Variants in IL2RB observed in about 807,000 individuals in gnomAD.
IL2RB encodes the protein interleukin-2 receptor subunit beta.
IL2RB carries 17 observed loss-of-function variants against 44.2 expected under a neutral mutation model. That is an observed-to-expected ratio of 0.38 (90% CI 0.26 to 0.58). The LOEUF is 0.58. Ranked by LOEUF, IL2RB falls within the 20% of genes least tolerant of loss-of-function variation. The pLI is 0.63. For missense variants in IL2RB, 624 were observed against 685.5 expected, an observed-to-expected ratio of 0.91 and a Z score of 1.00; for synonymous variants, 286 against 297.9, an observed-to-expected ratio of 0.96 and a Z score of 0.41.
At chr22:37,158,176 A>T (rs1922743841) in intron 1 of IL2RB, among the ~76,000 whole-genome samples, 1 of 152,194 alleles carries the variant, frequency 6.6e-6, no homozygotes, top group Non-Finnish European at 1.5e-5. Context: ...GAGGCCAACA[A>T]AATGCGCATC....
In IL2RB at chr22:37,174,537, A is replaced by G. The variant is rs550135385; in HGVS notation, c.-34+421T>C. Among the ~76,000 whole-genome samples the G allele has an allele frequency of 3.9e-5, 6 of 152,240 alleles. No homozygotes were observed. In the South Asian group the frequency reaches 1.0e-3, roughly 26 times the overall value. On this transcript the variant is annotated intron_variant, in intron 1 of 5. Coordinates refer to the IL2RB transcript ENST00000429622. Reference sequence around the variant, plus strand: ...GTCCTATGAAATGCCATGAACCCCAACTATGCTTGTACAGAACAAACCGGT... The same window carrying G: ...GTCCTATGAAATGCCATGAACCCCAGCTATGCTTGTACAGAACAAACCGGT...
upstream of IL2RB, among the ~76,000 whole-genome samples, chr22:37,152,631 A>G (rs1922533636): frequency 6.6e-6 from 1 of 152,098 alleles, no homozygotes; most frequent in African/African-American, 2.4e-5. Flanking sequence ...GAACAATTTG[A>G]TGGTCACTTA....
At chr22:37,157,446 C>T (rs1313372415) in intron 1 of IL2RB, among the ~76,000 whole-genome samples, 2 of 152,234 alleles carry the variant, frequency 1.3e-5, no homozygotes, top group Admixed American at 6.5e-5. Flanking sequence ...GAGCTGCCTG[C>T]TTCATAGCCA....
chr22:37,128,758 T>C lies in IL2RB; in HGVS notation c.994A>G (p.Lys332Glu). 2 of 1,614,086 alleles carry C rather than the reference T, an allele frequency of 1.2e-6. No individual in the cohort carries two copies. Among genetic ancestry groups the C allele is most frequent in the Middle Eastern group, 1.7e-4 (1 of 6,058 alleles). Residue 332 changes from lysine to glutamate, a missense_variant, in exon 10 of 10, where the codon AAG becomes GAG. By Grantham distance (56) the Lys-to-Glu change is moderately conservative (BLOSUM62 1). Coordinates refer to ENST00000216223, the MANE Select transcript of IL2RB (RefSeq NM_000878.5). The surrounding 1 kb of genome is among the most constrained non-coding windows in gnomAD (Gnocchi z 4.5). ...ISPLEVLERD[K>E]VTQLLLQQDK... ...TGCTGCAGGAGCAGCTGCGTCACCTTGTCCCTCTCCAGCACTTCTAGTGGC... is the reference window on the plus strand; with the variant it reads ...TGCTGCAGGAGCAGCTGCGTCACCTCGTCCCTCTCCAGCACTTCTAGTGGC...
intron 1 of IL2RB, among the ~76,000 whole-genome samples, chr22:37,160,212 A>G (rs1034098437): frequency 1.3e-5 from 2 of 152,230 alleles, no homozygotes; most frequent in Non-Finnish European, 2.9e-5. Flanking sequence ...TGGCTGATGC[A>G]GTGACGGCAG....
At chr22:37,165,126 G>A (rs952182413) in intron 1 of IL2RB, among the ~76,000 whole-genome samples, 2 of 152,206 alleles carry the variant, frequency 1.3e-5, no homozygotes, top group Non-Finnish European at 2.9e-5. Flanking sequence ...AAAAACTGAG[G>A]CACGGGGAGG....
rs541246229 is a variant in IL2RB at position 37,165,235 on chromosome 22, A to G, written c.-34+9723T>C. Reference sequence around the variant, plus strand: ...GGCTCCTAAGCACATGCTCCTAACTACCAGGCTGCCGCCACCTTTGGAAGA... The same window carrying G: ...GGCTCCTAAGCACATGCTCCTAACTGCCAGGCTGCCGCCACCTTTGGAAGA... On this transcript the variant is annotated intron_variant, in intron 1 of 5. Coordinates refer to the IL2RB transcript ENST00000429622. 1.6e-4 allele frequency among the ~76,000 whole-genome samples: 24 copies of G among 152,346 alleles called. No individual in the cohort carries two copies. The South Asian group carries it at 4.6e-3, about 29-fold the overall frequency.
chr22:37,135,927 C>A (rs1459028313), intron 7 of IL2RB, among the ~76,000 whole-genome samples: 1 of 152,136 alleles, frequency 6.6e-6, no homozygotes, highest in Non-Finnish European at 1.5e-5. Context: ...ACAGATCAGG[C>A]CGAGAGGTGA....
At chr22:37,143,236 G>A (rs1922052968) in intron 3 of IL2RB, among the ~76,000 whole-genome samples, 1 of 151,980 alleles carries the variant, frequency 6.6e-6, no homozygotes, top group Non-Finnish European at 1.5e-5. Context: ...GGCATAGCAG[G>A]CTTGCAGCTC....
chr22:37,172,743 A>G (rs1923331006), intron 1 of IL2RB, among the ~76,000 whole-genome samples: 1 of 152,138 alleles, frequency 6.6e-6, no homozygotes, highest in African/African-American at 2.4e-5. Flanking sequence ...ACCATGACCC[A>G]TTTCAAGCTA....
upstream of IL2RB, chr22:37,150,005 G>C (rs1243138826): frequency 1.4e-6 from 1 of 717,858 alleles, no homozygotes; most frequent in Non-Finnish European, 1.7e-6. Context: ...TGGAGAGGCG[G>C]GGAGACGAGG....
intron 5 of IL2RB, among the ~76,000 whole-genome samples, chr22:37,138,894 G>C (rs1436109014): frequency 6.6e-6 from 1 of 152,182 alleles, no homozygotes; most frequent in Non-Finnish European, 1.5e-5. Flanking sequence ...TAGGCCTCAA[G>C]AGGAGGAGTG....
At position 37,157,577 on chromosome 22, in the gene IL2RB, A is replaced by G. The variant is rs575239805; in HGVS notation, c.-33-13372T>C. On this transcript the variant is annotated intron_variant, in intron 1 of 5. Transcript: ENST00000429622. ...TGGGACTGAGGGGGGTTTCCAGAAC[A>G]TAAGATTTACAGTGATATTCCTAGG... is the stretch of plus-strand genomic sequence containing the variant. Among the ~76,000 whole-genome samples the G allele has an allele frequency of 5.3e-5, 8 of 152,294 alleles. No homozygotes were observed. The South Asian group carries it at 1.7e-3, about 32-fold the overall frequency.
chr22:37,161,330 A>C (rs974065087), intron 1 of IL2RB, among the ~76,000 whole-genome samples: 2 of 152,182 alleles, frequency 1.3e-5, no homozygotes, highest in Admixed American at 1.3e-4. Context: ...GTTTCTTCTC[A>C]GGTGCTGTCC....
intron 9 of IL2RB, among the ~76,000 whole-genome samples, chr22:37,131,840 G>A (rs1259182988): frequency 6.6e-6 from 1 of 151,922 alleles, no homozygotes; most frequent in Non-Finnish European, 1.5e-5. Context: ...GGGTTCAAGC[G>A]ATTCCCCTGT....
At chr22:37,154,810 G>A (rs1186815540), upstream of IL2RB, among the ~76,000 whole-genome samples, 1 of 151,928 alleles carries the variant, frequency 6.6e-6, no homozygotes, top group African/African-American at 2.4e-5. Context: ...TCCTGACCTC[G>A]TGATCTGCCT....
intron 1 of IL2RB, among the ~76,000 whole-genome samples, chr22:37,145,358 A>G (rs1293819459): frequency 6.6e-6 from 1 of 152,072 alleles, no homozygotes; most frequent in Admixed American, 6.5e-5. Flanking sequence ...CAGCCCTGTC[A>G]GAGGGAGGCT....
In IL2RB at chr22:37,145,519, G is replaced by A. The variant is rs560814671; in HGVS notation, c.-33-1314C>T. On this transcript the variant is annotated intron_variant, in intron 1 of 9. Transcript: ENST00000216223. ...GAGGCAAGACCACAACTGTCGCAGCGGAAATGGGAAAGAAAAGTAGCTGCC... is the reference window on the plus strand; with the variant it reads ...GAGGCAAGACCACAACTGTCGCAGCAGAAATGGGAAAGAAAAGTAGCTGCC... 6.6e-5 allele frequency among the ~76,000 whole-genome samples: 10 copies of A among 152,162 alleles called. No homozygotes were observed. The East Asian group carries it at 7.7e-4, about 12-fold the overall frequency.
At chr22:37,135,896 C>T (rs1921666044) in intron 7 of IL2RB, among the ~76,000 whole-genome samples, 1 of 152,202 alleles carries the variant, frequency 6.6e-6, no homozygotes, top group Non-Finnish European at 1.5e-5. Context: ...AGCTCTGCCT[C>T]ACGGTCACTG....
Sources: allele counts gnomAD v4.1 joint callset (sites outside exome capture counted in the v4.1 genomes callset), GRCh38; gene constraint gnomAD v4.1.1; non-coding constraint Gnocchi (gnomAD v3.1); transcripts MANE v1.5; gene names NCBI Gene and HGNC (gene_info 2026-07-23, HGNC 2026-07-21).